ACOX3: variants seen among roughly 807,000 people sequenced by gnomAD.
ACOX3 encodes acyl-CoA oxidase 3, pristanoyl, also known as peroxisomal acyl-coenzyme A oxidase 3.
In ACOX3, 73 loss-of-function variants were observed where a neutral mutation model predicts 81.5. The observed-to-expected ratio is 0.90, with a 90% CI of 0.74 to 1.09. The LOEUF (loss-of-function observed/expected upper bound fraction) is 1.09, where lower values mean the gene tolerates loss of function less well. ACOX3 is among the 50% of genes least tolerant of loss of function. The pLI, the probability that ACOX3 is intolerant of heterozygous loss-of-function variation, is 0.00. For synonymous variants in ACOX3, 387 were observed against 375.1 expected (o/e 1.03, Z -0.37); for missense variants, 947 against 928.0 (o/e 1.02, Z -0.27).
intron 1 of ACOX3, among the ~76,000 whole-genome samples, chr4:8,428,872 T>G (rs1376974971): frequency 6.6e-6 from 1 of 152,152 alleles, no homozygotes; most frequent in Non-Finnish European, 1.5e-5. Context: ...GCCAGGAGTT[T>G]GAGACCAGCC....
At chr4:8,427,154 G>C (rs972494846) in intron 1 of ACOX3, among the ~76,000 whole-genome samples, 1 of 152,180 alleles carries the variant, frequency 6.6e-6, no homozygotes, top group Non-Finnish European at 1.5e-5. Context: ...GTAGTAAAGA[G>C]AGCTCACTAA....
intron 14 of ACOX3, among the ~76,000 whole-genome samples, chr4:8,379,450 C>T (rs1275821708): frequency 6.6e-6 from 1 of 152,230 alleles, no homozygotes; most frequent in East Asian, 1.9e-4. Context: ...TCTGTCAGCT[C>T]CACAGCTCAG....
chr4:8,369,322 C>T (rs1715862874), intron 17 of ACOX3, among the ~76,000 whole-genome samples: 1 of 152,146 alleles, frequency 6.6e-6, no homozygotes, highest in South Asian at 2.1e-4. Context: ...GGGCAAGTCC[C>T]TCTCCTATGC....
chr4:8,410,110 G>C, intron 6 of ACOX3, 102 bp downstream of exon 6: 3 of 1,437,540 alleles, frequency 2.1e-6, no homozygotes, highest in South Asian at 2.8e-5. Flanking sequence ...CCAGATGCCA[G>C]AAGCATGCCC....
chr4:8,375,115 T>C lies in ACOX3; in HGVS notation c.1691A>G (p.Glu564Gly). ...HGRPLALAFV[E>G]LTVVQRFHEH... ...GTGGAACCTCTGGACCACCGTGAGC[T>C]CCACGAAGGCCAGCGCCAACGGACG... The change falls in exon 15 of 18, where the codon GAG becomes GGG. Residue 564 changes from glutamate to glycine, a missense_variant. Coordinates refer to ENST00000356406, the MANE Select transcript of ACOX3 (RefSeq NM_003501.3). 1 of 1,553,740 alleles carries C rather than the reference T, an allele frequency of 6.4e-7. No homozygotes were observed. The highest frequency in any genetic ancestry group is 8.7e-7 in the Non-Finnish European group (1 of 1,148,330).
At position 8,416,041 on chromosome 4, in the gene ACOX3, G is replaced by T. The variant is rs754889284; in HGVS notation, c.145-42C>A. On this transcript the variant is annotated intron_variant, in intron 2 of 17. Coordinates refer to ENST00000356406, the MANE Select transcript of ACOX3 (RefSeq NM_003501.3). The surrounding 1 kb of genome is among the most constrained non-coding windows in gnomAD (Gnocchi z 4.2). ...TGGGTAAGGCTTATTTGGAGTAAAA[G>T]ATGGACTCTCCATGTGCCCTTATAT... The T allele has an allele frequency of 3.8e-6, 6 of 1,581,706 alleles. No individual in the cohort carries two copies. Among genetic ancestry groups the T allele is most frequent in the Non-Finnish European group, 5.2e-6 (6 of 1,152,176 alleles).
At position 8,389,855 on chromosome 4, in the gene ACOX3, A is replaced by G; in HGVS notation, c.1301-121T>C. The G allele has an allele frequency of 7.3e-7, 1 of 1,363,100 alleles. No individual in the cohort carries two copies. The allele number at this position is 1,363,100 out of a possible 1,614,324, so 84.4% of individuals were successfully genotyped here. A position where few individuals can be genotyped will look rare whatever the true frequency, so the allele number is the denominator to read the frequency against. On this transcript the variant is annotated intron_variant, in intron 11 of 17. Coordinates refer to ENST00000356406, the MANE Select transcript of ACOX3 (RefSeq NM_003501.3). This position sits in a 1 kb window ranked among gnomAD's most constrained non-coding sequence, Gnocchi z 5.3. ...TGCGGTGGCTCACACCTGTAATGGCAGCACTTTGGGGGGCCGAGGCGGGTG... is the reference window on the plus strand; with the variant it reads ...TGCGGTGGCTCACACCTGTAATGGCGGCACTTTGGGGGGCCGAGGCGGGTG...
At chr4:8,434,548 C>T (rs1724121651) in intron 1 of ACOX3, among the ~76,000 whole-genome samples, 1 of 152,250 alleles carries the variant, frequency 6.6e-6, no homozygotes, top group African/African-American at 2.4e-5. Flanking sequence ...CCGTGGAATG[C>T]CTCGTCAGAG....
Position 8,370,056 on chromosome 4 carries a change from C to T in ACOX3, c.1983+852G>A, listed in dbSNP as rs1481464410. Among the ~76,000 whole-genome samples the T allele has an allele frequency of 6.6e-6, 1 of 152,202 alleles. No homozygotes were observed. The highest frequency in any genetic ancestry group is 1.5e-5 in the Non-Finnish European group (1 of 68,034). On this transcript the variant is annotated intron_variant, in intron 17 of 17. Coordinates refer to ENST00000356406, the MANE Select transcript of ACOX3 (RefSeq NM_003501.3). The surrounding 1 kb of genome is among the most constrained non-coding windows in gnomAD (Gnocchi z 6.3). ...AGGTCAGTGATGAGGCCAGCAAGGG[C>T]AGCACTACAGTGCCTGGGGGCACTG...
At chr4:8,421,346 T>C (rs891083115) in intron 1 of ACOX3, among the ~76,000 whole-genome samples, 14 of 152,216 alleles carry the variant, frequency 9.2e-5, no homozygotes, top group African/African-American at 3.1e-4. Context: ...GTTGGGAGCA[T>C]TGGTCTGCCT....
intron 11 of ACOX3, among the ~76,000 whole-genome samples, chr4:8,391,960 T>A (rs937703602): frequency 3.3e-5 from 5 of 152,266 alleles, no homozygotes; most frequent in African/African-American, 9.6e-5. Context: ...AAAATTCAAA[T>A]GAGCAGATCA....
chr4:8,405,108 C>T lies in ACOX3; in HGVS notation c.776+847G>A, dbSNP rs951061241. Among the ~76,000 whole-genome samples the T allele has an allele frequency of 6.6e-6, 1 of 152,176 alleles. No individual in the cohort carries two copies. Among genetic ancestry groups the T allele is most frequent in the Non-Finnish European group, 1.5e-5 (1 of 68,028 alleles). On this transcript the variant is annotated intron_variant, in intron 7 of 17. Coordinates refer to ENST00000356406, the MANE Select transcript of ACOX3 (RefSeq NM_003501.3). This position sits in a 1 kb window ranked among gnomAD's most constrained non-coding sequence, Gnocchi z 7.1. Reference sequence around the variant, plus strand: ...GCCAAGAAAGCTGGTCAAGGTGACACAAAGGGCCGGCTGCACATCTGTCTC... The same window carrying T: ...GCCAAGAAAGCTGGTCAAGGTGACATAAAGGGCCGGCTGCACATCTGTCTC...
In ACOX3 at chr4:8,397,125, G is replaced by A. The variant is rs1469882548; in HGVS notation, c.874-6C>T. 1 of 1,547,918 alleles carries A rather than the reference G, an allele frequency of 6.5e-7. No homozygotes were observed. Among genetic ancestry groups the A allele is most frequent in the Non-Finnish European group, 8.7e-7 (1 of 1,150,968 alleles). ...CCAAAGCGCTGCCTGACGTCCTACG[G>A]GAGGGACACAGATGATAAGCTCAAG... On this transcript the variant is annotated splice_polypyrimidine_tract_variant and splice_region_variant and intron_variant, in intron 8 of 17. Coordinates refer to ENST00000356406, the MANE Select transcript of ACOX3 (RefSeq NM_003501.3).
intron 10 of ACOX3, among the ~76,000 whole-genome samples, chr4:8,392,864 C>G (rs184373628): frequency 6.6e-6 from 1 of 152,178 alleles, no homozygotes; most frequent in Non-Finnish European, 1.5e-5. Context: ...GACTCAGCAC[C>G]GCAGACAGTG....
intron 1 of ACOX3, among the ~76,000 whole-genome samples, chr4:8,426,937 C>T (rs1045314571): frequency 3.3e-5 from 5 of 152,146 alleles, no homozygotes; most frequent in South Asian, 2.1e-4. Context: ...ACCTCTACTA[C>T]GCCCCAATTC....
At chr4:8,392,655 T>C (rs1020452573) in intron 10 of ACOX3, among the ~76,000 whole-genome samples, 1 of 152,178 alleles carries the variant, frequency 6.6e-6, no homozygotes, top group African/African-American at 2.4e-5. Flanking sequence ...GGTACGCTCA[T>C]ACCATTTCAC....
chr4:8,373,631 G>A lies in ACOX3; in HGVS notation c.1829-3C>T. Reference sequence around the variant, plus strand: ...CTGCTCACCGGAGAAGTATCCTCCTGCAAGCACAGCCTCGGTCACATGGGG... The same window carrying A: ...CTGCTCACCGGAGAAGTATCCTCCTACAAGCACAGCCTCGGTCACATGGGG... On this transcript the variant is annotated splice_polypyrimidine_tract_variant and splice_region_variant and intron_variant, in intron 15 of 17. Coordinates refer to ENST00000356406, the MANE Select transcript of ACOX3 (RefSeq NM_003501.3). The A allele has an allele frequency of 6.2e-7, 1 of 1,610,942 alleles. No homozygotes were observed. Among genetic ancestry groups the A allele is most frequent in the Non-Finnish European group, 8.5e-7 (1 of 1,178,678 alleles).
intron 1 of ACOX3, among the ~76,000 whole-genome samples, chr4:8,427,908 G>A (rs1723657583): frequency 6.6e-6 from 1 of 152,246 alleles, no homozygotes; most frequent in South Asian, 2.1e-4. Flanking sequence ...TCTGCCTAGT[G>A]CCCAGGGTCT....
rs1718680489 is a variant in ACOX3 at position 8,389,270 on chromosome 4, G to A, written c.1440C>T (p.Arg480=). Residue 480 remains arginine, a synonymous_variant, in exon 13 of 18, where the codon CGC becomes CGT. Transcript: ENST00000356406. The surrounding 1 kb of genome is among the most constrained non-coding windows in gnomAD (Gnocchi z 5.3). ...AHQVHDGACF[R]SPLKSVDFLD... is the part of the protein sequence containing the mutation. ...GAAAGTCCACTGACTTCAGCGGACT[G>A]CGGAAGCAAGCTCCATCTAGGACAC... 1 of 1,612,844 alleles carries A rather than the reference G, an allele frequency of 6.2e-7. No homozygotes were observed. The highest frequency in any genetic ancestry group is 1.3e-5 in the African/African-American group (1 of 74,922).
Sources: gnomAD v4.1 joint callset for allele counts (sites outside exome capture counted in the v4.1 genomes callset) on GRCh38, gnomAD v4.1.1 for gene constraint, Gnocchi (gnomAD v3.1) non-coding constraint, MANE v1.5 for transcripts, NCBI Gene and HGNC (gene_info 2026-07-23, HGNC 2026-07-21) for gene names.